HPSE2: variants seen among roughly 807,000 people sequenced by gnomAD.
The protein encoded by HPSE2 is inactive heparanase-2.
A neutral mutation model predicts 60.5 loss-of-function variants in HPSE2; 38 were observed. The observed-to-expected ratio is 0.63, with a 90% CI of 0.48 to 0.82. HPSE2 has a LOEUF of 0.82. HPSE2 is among the 40% of genes least tolerant of loss of function. The pLI is 0.00. For synonymous variants in HPSE2, 295 were observed against 293.2 expected (o/e 1.01, Z -0.06); for missense variants, 713 against 740.4 (o/e 0.96, Z 0.43).
chr10:99,209,381 G>A (rs1848875582), intron 2 of HPSE2, among the ~76,000 whole-genome samples: 1 of 152,074 alleles, frequency 6.6e-6, no homozygotes, highest in Admixed American at 6.6e-5. Flanking sequence ...ACAACATGCT[G>A]CTAAATAACC....
chr10:99,059,073 A>G (rs1030159622), intron 3 of HPSE2, among the ~76,000 whole-genome samples: 3 of 152,240 alleles, frequency 2.0e-5, no homozygotes, highest in African/African-American at 4.8e-5. Flanking sequence ...ATGTCATGAA[A>G]TATTATCCTT....
chr10:98,641,991 T>C, intron 6 of HPSE2, 51 bp from the exon 7 acceptor site: 1 of 1,436,810 alleles, frequency 7.0e-7, no homozygotes, highest in South Asian at 1.1e-5. Flanking sequence ...CAAGGGATTA[T>C]AAATACACTT....
chr10:99,311,529 C>A, the HPSE2 span, among the ~76,000 whole-genome samples: 1 of 152,072 alleles, frequency 6.6e-6, no homozygotes, highest in East Asian at 1.9e-4. Context: ...GGGTGCCATG[C>A]CTATGTAAGA....
chr10:99,018,398 T>C (rs1161125466), intron 3 of HPSE2, among the ~76,000 whole-genome samples: 3 of 152,208 alleles, frequency 2.0e-5, no homozygotes, highest in African/African-American at 7.2e-5. Context: ...CCTGAAGTTA[T>C]AGGGAAAGAT....
chr10:99,125,787 C>T (rs2135722114), intron 3 of HPSE2, among the ~76,000 whole-genome samples: 1 of 152,248 alleles, frequency 6.6e-6, no homozygotes, highest in African/African-American at 2.4e-5. Context: ...GAAGTAGAAC[C>T]AACAGTGGGA....
intron 5 of HPSE2, among the ~76,000 whole-genome samples, chr10:98,716,442 A>AAATT: frequency 6.8e-6 from 1 of 148,084 alleles, no homozygotes; most frequent in African/African-American, 2.4e-5. Flanking sequence ...ATAATAATAA[A>AAATT]AAATAAATAA....
chr10:98,552,440 G>A (rs942774233), intron 9 of HPSE2, among the ~76,000 whole-genome samples: 18 of 152,074 alleles, frequency 1.2e-4, no homozygotes, highest in Non-Finnish European at 2.4e-4. Flanking sequence ...TGAAAAAAGC[G>A]GGATATAAGG....
intron 3 of HPSE2, among the ~76,000 whole-genome samples, chr10:98,920,702 A>T (rs1207515546): frequency 6.6e-6 from 1 of 152,216 alleles, no homozygotes; most frequent in Non-Finnish European, 1.5e-5. Flanking sequence ...TAATTGAATT[A>T]AATTAAACTT....
At chr10:98,729,478 G>A (rs1181860822) in intron 4 of HPSE2, among the ~76,000 whole-genome samples, 5 of 151,904 alleles carry the variant, frequency 3.3e-5, no homozygotes, top group East Asian at 1.9e-4. Context: ...GCGTGGTGGC[G>A]GGCGCCTGTA....
intron 2 of HPSE2, among the ~76,000 whole-genome samples, chr10:99,183,217 G>C (rs1394550681): frequency 1.3e-5 from 2 of 152,100 alleles, no homozygotes; most frequent in Non-Finnish European, 2.9e-5. Flanking sequence ...AAGGCAACTA[G>C]AATTTATAGG....
intron 3 of HPSE2, among the ~76,000 whole-genome samples, chr10:99,060,375 T>C (rs935593194): frequency 4.6e-5 from 7 of 151,854 alleles, no homozygotes; most frequent in African/African-American, 1.7e-4. Flanking sequence ...AAAACAAAAA[T>C]AGGCTGGGCG....
chr10:98,693,258 G>C (rs1474742966), intron 6 of HPSE2, among the ~76,000 whole-genome samples: 1 of 152,200 alleles, frequency 6.6e-6, no homozygotes, highest in Non-Finnish European at 1.5e-5. Context: ...TTAAGGGCTG[G>C]ACCTTCTGGT....
chr10:98,501,160 T>C (rs1270571875), intron 9 of HPSE2, among the ~76,000 whole-genome samples: 1 of 151,864 alleles, frequency 6.6e-6, no homozygotes, highest in Admixed American at 6.6e-5. Flanking sequence ...TTCCAAAAGA[T>C]ACAGAAAGAA....
intron 2 of HPSE2, among the ~76,000 whole-genome samples, chr10:99,176,235 T>C (rs772433651): frequency 6.6e-6 from 1 of 151,830 alleles, no homozygotes; most frequent in Non-Finnish European, 1.5e-5. Flanking sequence ...TCACAACTCC[T>C]CTCCAGCAAG....
chr10:98,793,919 A>G (rs1410668365), intron 3 of HPSE2, among the ~76,000 whole-genome samples: 1 of 152,222 alleles, frequency 6.6e-6, no homozygotes, highest in African/African-American at 2.4e-5. Context: ...GGCAGGTAGG[A>G]TATGAGTTCT....
At chr10:98,904,463 C>A (rs1321647088) in intron 3 of HPSE2, among the ~76,000 whole-genome samples, 2 of 152,098 alleles carry the variant, frequency 1.3e-5, no homozygotes, top group African/African-American at 4.8e-5. Flanking sequence ...TAAGTACAAC[C>A]TTGCCATATA....
At chr10:98,694,012 G>A in intron 5 of HPSE2, 65 bp from the exon 6 acceptor site, 1 of 1,271,004 alleles carries the variant, frequency 7.9e-7, no homozygotes, top group South Asian at 1.2e-5. Flanking sequence ...TAAATCAAAA[G>A]GAAATAAACT....
chr10:98,583,077 CTT>C (rs1290711753), intron 9 of HPSE2, among the ~76,000 whole-genome samples: 3 of 152,250 alleles, frequency 2.0e-5, no homozygotes, highest in African/African-American at 7.2e-5. Flanking sequence ...CGGGAACTGT[CTT>C]CCAAGTCCAA....
intron 9 of HPSE2, among the ~76,000 whole-genome samples, chr10:98,538,598 A>G (rs909357076): frequency 1.3e-5 from 2 of 152,122 alleles, no homozygotes; most frequent in Non-Finnish European, 2.9e-5. Context: ...GCTTTAAAAA[A>G]TACTGATAAA....
Sources: gnomAD v4.1 joint callset for allele counts (sites outside exome capture counted in the v4.1 genomes callset) on GRCh38, gnomAD v4.1.1 for gene constraint, MANE v1.5 for transcripts, NCBI Gene and HGNC (gene_info 2026-07-23, HGNC 2026-07-21) for gene names.